The following FAM78B variants were observed in gnomAD, a reference collection of about 807,000 sequenced individuals.
FAM78B encodes family with sequence similarity 78 member B, also known as protein FAM78B.
A neutral mutation model predicts 20.0 loss-of-function variants in FAM78B; 10 were observed. The observed-to-expected ratio is 0.50, with a 90% confidence interval of 0.31 to 0.85. The LOEUF (loss-of-function observed/expected upper bound fraction) is 0.85. FAM78B is among the 40% of genes least tolerant of loss of function. The pLI is 0.05. For missense variants in FAM78B, 283 were observed against 345.0 expected (o/e 0.82, Z 1.42); for synonymous variants, 135 against 132.8 (o/e 1.02, Z -0.12).
chr1:166,081,346 C>T (rs1397654151), intron 1 of FAM78B: 1 of 152,152 alleles, frequency 6.6e-6, no homozygotes, highest in African/African-American at 2.4e-5. Flanking sequence ...AAGTAAGTTG[C>T]CCCAGCTGGG....
At chr1:166,134,279 C>T (rs1654989893) in intron 1 of FAM78B, among the ~76,000 whole-genome samples, 1 of 145,622 alleles carries the variant, frequency 6.9e-6, no homozygotes, top group Non-Finnish European at 1.5e-5. Flanking sequence ...TACTGATCCA[C>T]AGTATTTTGC....
chr1:166,138,278 T>C (rs1235375493), intron 1 of FAM78B, among the ~76,000 whole-genome samples: 3 of 152,112 alleles, frequency 2.0e-5, no homozygotes, highest in African/African-American at 7.2e-5. Context: ...CTCTGTCTCC[T>C]CCTTCTCTTC....
intron 1 of FAM78B, among the ~76,000 whole-genome samples, chr1:166,158,700 C>T (rs1656014813): frequency 1.3e-5 from 2 of 152,200 alleles, no homozygotes; most frequent in South Asian, 4.1e-4. Context: ...CCTTAAATAC[C>T]ACACTGATTT....
At chr1:166,074,944 G>C (rs1652207899) in intron 1 of FAM78B, among the ~76,000 whole-genome samples, 1 of 152,178 alleles carries the variant, frequency 6.6e-6, no homozygotes, top group Non-Finnish European at 1.5e-5. Flanking sequence ...TGAACACTTT[G>C]GAATAGAGAT....
chr1:166,121,392 C>G (rs1654461100), intron 1 of FAM78B, among the ~76,000 whole-genome samples: 1 of 152,170 alleles, frequency 6.6e-6, no homozygotes, highest in Non-Finnish European at 1.5e-5. Flanking sequence ...GGAAGCAGAC[C>G]CAGGGAAAGT....
At chr1:166,157,576 G>T (rs576377956) in intron 1 of FAM78B, among the ~76,000 whole-genome samples, 2 of 152,190 alleles carry the variant, frequency 1.3e-5, no homozygotes, top group South Asian at 2.1e-4. Flanking sequence ...TCGAGAAAAG[G>T]AACAGTGCAG....
At chr1:166,153,133 A>T (rs1655748144) in intron 1 of FAM78B, among the ~76,000 whole-genome samples, 1 of 152,234 alleles carries the variant, frequency 6.6e-6, no homozygotes, top group Non-Finnish European at 1.5e-5. Flanking sequence ...GCTTGGAGGC[A>T]ACGTGGAAGA....
chr1:166,117,960 C>T (rs1003179016), intron 1 of FAM78B, among the ~76,000 whole-genome samples: 11 of 151,888 alleles, frequency 7.2e-5, no homozygotes, highest in East Asian at 1.9e-4. Context: ...TTGGGAGGGG[C>T]GGGGGTGATG....
At chr1:166,104,968 G>C (rs1003581244) in intron 1 of FAM78B, among the ~76,000 whole-genome samples, 13 of 152,052 alleles carry the variant, frequency 8.5e-5, no homozygotes, top group African/African-American at 1.9e-4. Flanking sequence ...TACAAGGGTA[G>C]AGTAACCAAA....
chr1:166,095,931 C>T (rs1342844149), intron 1 of FAM78B, among the ~76,000 whole-genome samples: 1 of 152,060 alleles, frequency 6.6e-6, no homozygotes, highest in Admixed American at 6.6e-5. Flanking sequence ...CAGGAAGCTG[C>T]AGACAGAAAT....
downstream of FAM78B, among the ~76,000 whole-genome samples, chr1:166,056,804 G>A (rs1488507132): frequency 2.0e-5 from 3 of 152,298 alleles, no homozygotes; most frequent in South Asian, 4.1e-4. Context: ...TCACAGCACC[G>A]AATCATAGAT....
intron 1 of FAM78B, among the ~76,000 whole-genome samples, chr1:166,142,394 G>A (rs79237155): frequency 0.018 from 2,774 of 152,278 alleles, 76 homozygotes; most frequent in African/African-American, 0.06. Flanking sequence ...GCTAGGACAC[G>A]GGGCAGCAGC....
chr1:166,095,010 C>T (rs1467275546), intron 1 of FAM78B, among the ~76,000 whole-genome samples: 5 of 152,176 alleles, frequency 3.3e-5, no homozygotes, highest in Non-Finnish European at 7.3e-5. Context: ...ACCAAATCAG[C>T]AGGTGGCTGA....
Position 166,069,331 on chromosome 1 carries a change from T to C in FAM78B, c.*910A>G, listed in dbSNP as rs1163570461. On this transcript the variant is annotated 3_prime_UTR_variant, in exon 2 of 2. Coordinates refer to ENST00000354422, the MANE Select transcript of FAM78B (RefSeq NM_001017961.5). Reference sequence around the variant, plus strand: ...AAAATGCTGTTCTTATTTGCTGAAATGTTCTTGAACCTTACATGGATTCAT... The same window carrying C: ...AAAATGCTGTTCTTATTTGCTGAAACGTTCTTGAACCTTACATGGATTCAT... Among the ~76,000 whole-genome samples, 1 of 152,224 alleles carries C rather than the reference T, an allele frequency of 6.6e-6. No homozygotes were observed. Among genetic ancestry groups the C allele is most frequent in the Non-Finnish European group, 1.5e-5 (1 of 68,030 alleles).
chr1:166,119,265 C>T (rs1654377234), intron 1 of FAM78B, among the ~76,000 whole-genome samples: 1 of 152,240 alleles, frequency 6.6e-6, no homozygotes, highest in African/African-American at 2.4e-5. Flanking sequence ...TTACTCCAAG[C>T]AGCCCTGTTG....
In FAM78B at chr1:166,106,011, GAAT is replaced by G. The variant is rs1425824952; in HGVS notation, c.264-35251_264-35249del. On this transcript the variant is annotated intron_variant, in intron 1 of 1. Transcript: ENST00000354422. ...CAAAATGTGGCACATATACACCATG[GAAT>G]ACTATGCAGCCATAAAAAATGATGA... Among the ~76,000 whole-genome samples, 4 of 152,048 alleles carry G rather than the reference GAAT, an allele frequency of 2.6e-5. No individual in the cohort carries two copies. The South Asian group carries it at 8.3e-4, about 32-fold the overall frequency.
At position 166,084,205 on chromosome 1, in the gene FAM78B, CCA is replaced by C. The variant is rs374157991; in HGVS notation, c.264-13444_264-13443del. Among the ~76,000 whole-genome samples, 1,209 of 121,172 alleles carry C rather than the reference CCA, an allele frequency of 1.0e-2. 9 individuals carry two copies. Among genetic ancestry groups the C allele is most frequent in the East Asian group, 0.048 (192 of 4,034 alleles). 79.5% of individuals were successfully genotyped at this position (121,172 alleles called of 152,430 possible). ...GTGGATAACACAGAGGATGTAGAAA[CCA>C]CACACACACACACACACACACACAC... On this transcript the variant is annotated intron_variant, in intron 1 of 1. Transcript: ENST00000354422.
chr1:166,122,255 T>C (rs747966514), intron 1 of FAM78B, among the ~76,000 whole-genome samples: 7 of 152,152 alleles, frequency 4.6e-5, no homozygotes, highest in Non-Finnish European at 8.8e-5. Context: ...AAGGCTGCTC[T>C]GCCCAGGGCA....
downstream of FAM78B, among the ~76,000 whole-genome samples, chr1:166,056,803 C>T (rs1477698674): frequency 1.3e-5 from 2 of 152,192 alleles, no homozygotes; most frequent in East Asian, 1.9e-4. Flanking sequence ...TTCACAGCAC[C>T]GAATCATAGA....
Sources: gnomAD v4.1 joint callset for allele counts (sites outside exome capture counted in the v4.1 genomes callset) on GRCh38, gnomAD v4.1.1 for gene constraint, MANE v1.5 for transcripts, NCBI Gene and HGNC (gene_info 2026-07-23, HGNC 2026-07-21) for gene names.